Variants in CCDC9B observed in about 807,000 individuals in gnomAD.
CCDC9B encodes the protein coiled-coil domain containing 9B.
CCDC9B carries 40 observed loss-of-function variants against 47.2 expected under a neutral mutation model. The ratio of observed to expected loss-of-function variants is 0.85; its 90% confidence interval spans 0.66 to 1.10. CCDC9B has a LOEUF of 1.10. Ranked by LOEUF, CCDC9B falls within the 50% of genes least tolerant of loss-of-function variation. The probability of loss-of-function intolerance (pLI) is 0.00; values close to 1 mark genes in which losing one functional copy is unlikely to be tolerated. For missense variants in CCDC9B, 662 were observed against 651.0 expected, an observed-to-expected ratio of 1.02 and a Z score of -0.18; for synonymous variants, 238 against 250.7, an observed-to-expected ratio of 0.95 and a Z score of 0.48.
Position 40,338,894 on chromosome 15 carries a change from C to T in CCDC9B, c.241G>A (p.Val81Met). Residue 81 changes from valine (V) to methionine (M), a missense_variant, in exon 4 of 11, where the codon GTG becomes ATG. Transcript: ENST00000397536. Reference protein sequence around the residue: ...TISQVPGEKRVVSRNWARGTC... With the variant: ...TISQVPGEKRMVSRNWARGTC... ...CCCCTTGCCCAGTTCCTGCTAACCA[C>T]CCGCTTTTCCTGCAGAACAAAGACC... The T allele has an allele frequency of 6.2e-7, 1 of 1,614,216 alleles. No homozygotes were observed. Among genetic ancestry groups the T allele is most frequent in the South Asian group, 1.1e-5 (1 of 91,080 alleles).
At chr15:40,339,813 C>G in intron 2 of CCDC9B, 92 bp downstream of exon 2, 2 of 1,392,222 alleles carry the variant, frequency 1.4e-6, no homozygotes, top group Non-Finnish European at 2.0e-6. Context: ...GCCCCAGAGG[C>G]GCATTGCTGA....
rs573703162 is a variant in CCDC9B, at chr15:40,337,774, G to A, written c.633C>T (p.Asp211=). ...ACGGGCGGCGCCAGTCACCCTGTGC[G>A]TCTCTGTGCCGGGCGAGGCGGGCTA... ...IDLARLARHR[D]AQGDWRRPWD... Residue 211 remains aspartate, a synonymous_variant, in exon 6 of 11, where the codon GAC becomes GAT. Transcript: ENST00000397536. The A allele has an allele frequency of 4.8e-5, 78 of 1,609,964 alleles. No individual in the cohort carries two copies. Among genetic ancestry groups the A allele is most frequent in the South Asian group, 7.7e-5 (7 of 90,994 alleles).
chr15:40,338,731 C>G lies in CCDC9B; in HGVS notation c.387+17G>C. On this transcript the variant is annotated intron_variant, in intron 4 of 10. Transcript: ENST00000397536. ...AGGCTGCCTGCCGATGCCTGCACTC[C>G]CCACCACCCTGCTCACCTCTGCTTT... 1 of 1,611,086 alleles carries G rather than the reference C, an allele frequency of 6.2e-7. No individual in the cohort carries two copies. The highest frequency in any genetic ancestry group is 1.3e-5 in the African/African-American group (1 of 75,002).
In CCDC9B at chr15:40,335,087, C is replaced by G; in HGVS notation, c.*71G>C. On this transcript the variant is annotated 3_prime_UTR_variant, in exon 11 of 11. Coordinates refer to ENST00000397536, the MANE Select transcript of CCDC9B (RefSeq NM_207380.3). ...GCCACCGGCAACCACATGGCCATCACGCGGAGGGCCTTTAACAGAGTGATT... is the reference window on the plus strand; with the variant it reads ...GCCACCGGCAACCACATGGCCATCAGGCGGAGGGCCTTTAACAGAGTGATT... 1 of 1,361,408 alleles carries G rather than the reference C, an allele frequency of 7.3e-7. No individual in the cohort carries two copies. Among genetic ancestry groups the G allele is most frequent in the East Asian group, 2.4e-5 (1 of 41,718 alleles). 84.3% of individuals were successfully genotyped at this position (1,361,408 alleles called of 1,614,324 possible). A position where few individuals can be genotyped will look rare whatever the true frequency, so the allele number is the denominator to read the frequency against.
chr15:40,334,936 G>GT lies in CCDC9B; in HGVS notation c.*221dup, dbSNP rs553275907. On this transcript the variant is annotated 3_prime_UTR_variant, in exon 11 of 11. Transcript: ENST00000397536. ...CTAGTACAGGAATACACCAGGGGCT[G>GT]TGCCCGTGCGTGAAAACACACATGT... The GT allele has an allele frequency of 2.2e-4, 94 of 420,910 alleles. No individual in the cohort carries two copies. In the South Asian group the frequency reaches 4.9e-3, roughly 22 times the overall value. 26.1% of individuals were successfully genotyped at this position (420,910 alleles called of 1,614,324 possible). A position where few individuals can be genotyped will look rare whatever the true frequency, so the allele number is the denominator to read the frequency against.
chr15:40,339,661 G>T, intron 2 of CCDC9B, 42 bp from the exon 3 acceptor site: 1 of 1,608,756 alleles, frequency 6.2e-7, no homozygotes, highest in South Asian at 1.1e-5. Flanking sequence ...TGGCCCCCCA[G>T]GTGCACAGAG....
rs1452071908 is a variant in CCDC9B, at chr15:40,334,962, G to GCA, written c.*194_*195dup. 4.1e-5 allele frequency: 20 copies of GCA among 484,084 alleles called. No homozygotes were observed. The highest frequency in any genetic ancestry group is 6.6e-5 in the Non-Finnish European group (18 of 273,668). 30.0% of individuals were successfully genotyped at this position (484,084 alleles called of 1,614,324 possible). A position where few individuals can be genotyped will look rare whatever the true frequency, so the allele number is the denominator to read the frequency against. ...TGCCCGTGCGTGAAAACACACATGT[G>GCA]CACAGAGATGAGCGTGTGAGGTGCA... On this transcript the variant is annotated 3_prime_UTR_variant, in exon 11 of 11. Coordinates refer to ENST00000397536, the MANE Select transcript of CCDC9B (RefSeq NM_207380.3).
chr15:40,335,981 C>G (rs1315538286), intron 9 of CCDC9B, 155 bp from the exon 10 acceptor site: 14 of 985,222 alleles, frequency 1.4e-5, no homozygotes, highest in Non-Finnish European at 1.7e-5. Context: ...GTGGAGAAAT[C>G]CCAGGGGTGA....
Position 40,335,243 on chromosome 15 carries a change from G to C in CCDC9B, c.1388C>G (p.Pro463Arg). The change falls in exon 11 of 11, where the codon CCC becomes CGC. Residue 463 changes from proline (P) to arginine (R), a missense_variant. Pro to Arg is a moderately radical substitution (Grantham distance 103). Coordinates refer to ENST00000397536, the MANE Select transcript of CCDC9B (RefSeq NM_207380.3). ...CGACCTTTGGCTGCCTCCTCTCGTG[G>C]GCCGGCTTCTCGGGGCCAGGCCCTG... ...AQQGLAPRSR[P>R]TRGGSQRSRG... is the part of the protein sequence containing the mutation. 1.9e-6 allele frequency: 3 copies of C among 1,592,560 alleles called. No individual in the cohort carries two copies. Among genetic ancestry groups the C allele is most frequent in the Non-Finnish European group, 2.6e-6 (3 of 1,167,710 alleles).
Position 40,336,175 on chromosome 15 carries a change from C to G in CCDC9B, c.888-349G>C, listed in dbSNP as rs76248547. 9.8e-4 allele frequency: 964 copies of G among 985,444 alleles called. 12 individuals are homozygous for G. The African/African-American group carries it at 0.016, about 16-fold the overall frequency. 61.0% of individuals were successfully genotyped at this position (985,444 alleles called of 1,614,324 possible). A position where few individuals can be genotyped will look rare whatever the true frequency, so the allele number is the denominator to read the frequency against. On this transcript the variant is annotated intron_variant, in intron 9 of 10. Transcript: ENST00000397536. Reference sequence around the variant, plus strand: ...CAGAATGTGGCTCCAGGATGCTTCCCCCACCAAGCCTGACCTTGTTCCCTA... The same window carrying G: ...CAGAATGTGGCTCCAGGATGCTTCCGCCACCAAGCCTGACCTTGTTCCCTA...
intron 7 of CCDC9B, 189 bp downstream of exon 7, chr15:40,337,199 T>C: frequency 1.4e-6 from 1 of 723,804 alleles, no homozygotes; most frequent in Admixed American, 2.0e-5. Context: ...ACAAGAGCTG[T>C]GGGCTCAGAG....
Position 40,337,791 on chromosome 15 carries a change from G to T in CCDC9B, c.616C>A (p.Leu206Ile), listed in dbSNP as rs1456852193. The stretch of plus-strand genomic sequence containing the variant: ...CCCTGTGCGTCTCTGTGCCGGGCGA[G>T]GCGGGCTAGGTCGATCTGCTCCCGC... ...QEREQIDLAR[L>I]ARHRDAQGDW... is the part of the protein sequence containing the mutation. The change falls in exon 6 of 11, where the codon CTC becomes ATC. Residue 206 changes from leucine (L) to isoleucine (I), a missense_variant. Coordinates refer to ENST00000397536, the MANE Select transcript of CCDC9B (RefSeq NM_207380.3). The T allele has an allele frequency of 1.2e-6, 2 of 1,610,088 alleles. No individual in the cohort carries two copies. Among genetic ancestry groups the T allele is most frequent in the Non-Finnish European group, 8.5e-7 (1 of 1,179,828 alleles).
At chr15:40,339,655 C>T in intron 2 of CCDC9B, 36 bp from the exon 3 acceptor site, 1 of 1,609,640 alleles carries the variant, frequency 6.2e-7, no homozygotes, top group Non-Finnish European at 8.5e-7. Context: ...ACGCCATGGC[C>T]CCCCAGGTGC....
rs769450654 is a variant in CCDC9B at position 40,336,549 on chromosome 15, G to C, written c.887+25C>G. The C allele has an allele frequency of 6.2e-6, 10 of 1,607,970 alleles. No individual in the cohort carries two copies. In the African/African-American group the frequency reaches 1.3e-4, roughly 22 times the overall value. On this transcript the variant is annotated intron_variant, in intron 9 of 10. Coordinates refer to ENST00000397536, the MANE Select transcript of CCDC9B (RefSeq NM_207380.3). ...ATTGGGACACCCACATGCCCGTCTTGATTTTGTCCCCTGCCACCTGTTACC... is the reference window on the plus strand; with the variant it reads ...ATTGGGACACCCACATGCCCGTCTTCATTTTGTCCCCTGCCACCTGTTACC...
At chr15:40,338,183 G>GC (rs1889008522) in intron 5 of CCDC9B, 1 of 716,268 alleles carries the variant, frequency 1.4e-6, no homozygotes, top group African/African-American at 1.7e-5. Flanking sequence ...AGTGGGAGGG[G>GC]CCCTGGAAGC....
At position 40,335,356 on chromosome 15, in the gene CCDC9B, C is replaced by T. The variant is rs746197395; in HGVS notation, c.1275G>A (p.Glu425=). Residue 425 remains glutamate (E), a synonymous_variant, in exon 11 of 11, where the codon GAG becomes GAA. Coordinates refer to ENST00000397536, the MANE Select transcript of CCDC9B (RefSeq NM_207380.3). The part of the protein sequence containing the change: ...QPLGWSNHQA[E]LEVQTCPEPQ... ...GCTCAGGGCAAGTCTGTACTTCCAG[C>T]TCAGCCTGGTGATTGCTCCACCCCA... 18 of 1,613,366 alleles carry T rather than the reference C, an allele frequency of 1.1e-5. No individual in the cohort carries two copies. In the East Asian group the frequency reaches 4.0e-4, roughly 36 times the overall value.
chr15:40,338,779 T>C lies in CCDC9B; in HGVS notation c.356A>G (p.Glu119Gly). ...GGTFCLGELV[E>G]LAVTMENKAE... The stretch of plus-strand genomic sequence containing the variant: ...TTTGTTCTCCATGGTCACAGCCAGC[T>C]CCACCAGCTCCCCTAAGCAGAAAGT... Residue 119 changes from glutamate (E) to glycine (G), a missense_variant, in exon 4 of 11, where the codon GAG (glutamate) becomes GGG (glycine). By Grantham distance (98) the Glu-to-Gly change is moderately conservative. Transcript: ENST00000397536. 1 of 1,613,892 alleles carries C rather than the reference T, an allele frequency of 6.2e-7. No individual in the cohort carries two copies. The highest frequency in any genetic ancestry group is 8.5e-7 in the Non-Finnish European group (1 of 1,179,856).
In CCDC9B at chr15:40,331,632, G is replaced by C. The variant is rs1372160762; in HGVS notation, c.*3526C>G. Reference sequence around the variant, plus strand: ...GCTTACGAGATTAGGCACGTTCAGGGTGGTATGGCCGTAGACTATTTTGGA... The same window carrying C: ...GCTTACGAGATTAGGCACGTTCAGGCTGGTATGGCCGTAGACTATTTTGGA... On this transcript the variant is annotated 3_prime_UTR_variant, in exon 11 of 11. Coordinates refer to ENST00000397536, the MANE Select transcript of CCDC9B (RefSeq NM_207380.3). The C allele has an allele frequency of 6.6e-6, 1 of 152,388 alleles. No homozygotes were observed. The highest frequency in any genetic ancestry group is 1.5e-5 in the Non-Finnish European group (1 of 68,000). The allele number at this position is 152,388 out of a possible 1,614,324, so 9.4% of individuals were successfully genotyped here. A position where few individuals can be genotyped will look rare whatever the true frequency, so the allele number is the denominator to read the frequency against.
In CCDC9B at chr15:40,336,554, T is replaced by C. The variant is rs749515396; in HGVS notation, c.887+20A>G. The stretch of plus-strand genomic sequence containing the variant: ...GACACCCACATGCCCGTCTTGATTT[T>C]GTCCCCTGCCACCTGTTACCTTCGG... On this transcript the variant is annotated intron_variant, in intron 9 of 10. Coordinates refer to ENST00000397536, the MANE Select transcript of CCDC9B (RefSeq NM_207380.3). 3 of 1,609,096 alleles carry C rather than the reference T, an allele frequency of 1.9e-6. No homozygotes were observed. Among genetic ancestry groups the C allele is most frequent in the Non-Finnish European group, 2.5e-6 (3 of 1,177,868 alleles).
Sources: allele counts gnomAD v4.1 joint callset, GRCh38; gene constraint gnomAD v4.1.1; transcripts MANE v1.5; gene names NCBI Gene and HGNC (gene_info 2026-07-23, HGNC 2026-07-21).